EPHA6: variants seen among roughly 807,000 people sequenced by gnomAD.
The protein encoded by EPHA6 is ephrin type-A receptor 6.
EPHA6 carries 50 observed loss-of-function variants against 112.0 expected under a neutral mutation model. That is an observed-to-expected ratio of 0.45 (90% CI 0.36 to 0.56). EPHA6 has a LOEUF of 0.56. Ranked by LOEUF, EPHA6 falls within the 20% of genes least tolerant of loss-of-function variation. The probability of loss-of-function intolerance (pLI) is 0.00; values close to 1 mark genes in which losing one functional copy is unlikely to be tolerated. For synonymous variants in EPHA6, 529 were observed against 490.7 expected (o/e 1.08, Z -1.03); for missense variants, 1,280 against 1,417.4 (o/e 0.90, Z 1.56).
chr3:97,210,321 G>GA, intron 3 of EPHA6, among the ~76,000 whole-genome samples: 1 of 152,086 alleles, frequency 6.6e-6, no homozygotes. Flanking sequence ...AAGGTGGCAG[G>GA]AAAAATGAGA....
intron 11 of EPHA6, among the ~76,000 whole-genome samples, chr3:97,579,038 C>T (rs1186901376): frequency 6.6e-6 from 1 of 152,126 alleles, no homozygotes; most frequent in East Asian, 1.9e-4. Context: ...TTCCACTATC[C>T]AGTATTTATG....
intron 11 of EPHA6, among the ~76,000 whole-genome samples, chr3:97,537,566 A>G (rs1217701887): frequency 2.6e-5 from 4 of 151,762 alleles, no homozygotes; most frequent in African/African-American, 7.3e-5. Context: ...TTTAGTGTCC[A>G]TTTTTCTAGT....
chr3:96,906,909 G>A (rs999701741), intron 2 of EPHA6, among the ~76,000 whole-genome samples: 2 of 151,904 alleles, frequency 1.3e-5, no homozygotes, highest in Admixed American at 1.3e-4. Flanking sequence ...GTTTAGGTTT[G>A]TAAAACACTA....
intron 3 of EPHA6, among the ~76,000 whole-genome samples, chr3:97,004,414 A>T (rs780098839): frequency 5.3e-5 from 8 of 152,046 alleles, no homozygotes; most frequent in Admixed American, 5.2e-4. Context: ...GCTTTTTTTC[A>T]TATTTTTATT....
At chr3:97,137,838 G>C (rs2075802061) in intron 3 of EPHA6, among the ~76,000 whole-genome samples, 1 of 151,836 alleles carries the variant, frequency 6.6e-6, no homozygotes, top group South Asian at 2.1e-4. Flanking sequence ...AGTACTTAAA[G>C]TATAATAAAA....
rs118045689 is a variant in EPHA6, at chr3:97,547,049, C to A, written c.2386+14506C>A. On this transcript the variant is annotated intron_variant, in intron 11 of 17. Coordinates refer to ENST00000389672, the MANE Select transcript of EPHA6 (RefSeq NM_001080448.3). ...CTCGGAGTACTTTTATCGTCTGAAG[C>A]CTTCTTCTGTCAGCTCATCAAAGTC... Among the ~76,000 whole-genome samples the A allele has an allele frequency of 3.2e-3, 481 of 152,228 alleles. 15 individuals are homozygous for A. The East Asian group carries it at 0.082, about 26-fold the overall frequency.
chr3:97,305,061 G>A (rs1264955527), intron 5 of EPHA6, among the ~76,000 whole-genome samples: 1 of 151,958 alleles, frequency 6.6e-6, no homozygotes, highest in Non-Finnish European at 1.5e-5. Flanking sequence ...CCCATTAAAA[G>A]TGGGCAAAAG....
chr3:97,315,544 C>G (rs953491223), intron 5 of EPHA6, among the ~76,000 whole-genome samples: 3 of 151,476 alleles, frequency 2.0e-5, no homozygotes, highest in Non-Finnish European at 3.0e-5. Flanking sequence ...GAAGTAGAAT[C>G]AAATAATTTG....
intron 2 of EPHA6, among the ~76,000 whole-genome samples, chr3:96,893,562 G>A (rs2038100412): frequency 6.6e-6 from 1 of 152,166 alleles, no homozygotes; most frequent in Non-Finnish European, 1.5e-5. Context: ...CACCAGTCAG[G>A]CGTGTCCCAT....
chr3:97,200,046 G>A (rs1001881301), intron 3 of EPHA6, among the ~76,000 whole-genome samples: 2 of 152,050 alleles, frequency 1.3e-5, no homozygotes, highest in Non-Finnish European at 2.9e-5. Flanking sequence ...AAAGGCTCTG[G>A]AGAGTGCAGA....
chr3:97,361,424 A>C (rs1268128718), intron 5 of EPHA6, among the ~76,000 whole-genome samples: 1 of 152,242 alleles, frequency 6.6e-6, no homozygotes, highest in Non-Finnish European at 1.5e-5. Context: ...ACAGAAATTT[A>C]ATATGAATCA....
chr3:97,748,981 C>A lies in EPHA6; in HGVS notation c.*280C>A. 1 of 390,986 alleles carries A rather than the reference C, an allele frequency of 2.6e-6. No individual in the cohort carries two copies. The highest frequency in any genetic ancestry group is 4.2e-5 in the South Asian group (1 of 23,958). 24.2% of individuals were successfully genotyped at this position (390,986 alleles called of 1,614,324 possible). ...CATGGATGTGTAATTTTGTATAAGC[C>A]GTATATGGGAAGTGTTCACGGACTT... On this transcript the variant is annotated 3_prime_UTR_variant, in exon 18 of 18. Transcript: ENST00000389672.
intron 6 of EPHA6, among the ~76,000 whole-genome samples, chr3:97,432,386 G>C (rs1486864335): frequency 6.6e-6 from 1 of 152,064 alleles, no homozygotes; most frequent in Non-Finnish European, 1.5e-5. Context: ...GGATGTCCCA[G>C]CTTAGAAATC....
intron 11 of EPHA6, among the ~76,000 whole-genome samples, chr3:97,534,546 TAAC>T (rs1560108686): frequency 2.8e-5 from 4 of 145,282 alleles, no homozygotes; most frequent in African/African-American, 5.1e-5. Flanking sequence ...ATTAAATAAA[TAAC>T]AATCTGAATT....
intron 3 of EPHA6, among the ~76,000 whole-genome samples, chr3:97,095,973 G>A (rs1311223472): frequency 1.3e-5 from 2 of 151,876 alleles, no homozygotes; most frequent in African/African-American, 4.8e-5. Flanking sequence ...GAACATGAAT[G>A]TGATGGCTCA....
intron 8 of EPHA6, among the ~76,000 whole-genome samples, chr3:97,476,104 C>T (rs374221326): frequency 2.6e-5 from 4 of 151,968 alleles, no homozygotes; most frequent in Non-Finnish European, 4.4e-5. Context: ...ATACCATAAT[C>T]CAGGTGCTGA....
intron 5 of EPHA6, among the ~76,000 whole-genome samples, chr3:97,364,465 A>G (rs2084594249): frequency 6.6e-6 from 1 of 152,002 alleles, no homozygotes; most frequent in African/African-American, 2.4e-5. Flanking sequence ...AAGGCAGACA[A>G]GTATTCTTTA....
At chr3:97,191,332 ACT>A (rs775155251) in intron 3 of EPHA6, among the ~76,000 whole-genome samples, 3 of 151,638 alleles carry the variant, frequency 2.0e-5, no homozygotes, top group Non-Finnish European at 4.4e-5. Flanking sequence ...TTCCAATTAT[ACT>A]CTTTTAGTTA....
chr3:97,350,639 T>C (rs1485746020), intron 5 of EPHA6, among the ~76,000 whole-genome samples: 1 of 152,158 alleles, frequency 6.6e-6, no homozygotes, highest in Non-Finnish European at 1.5e-5. Context: ...CTTTTTTATA[T>C]ATAACAGCCT....
Sources: gnomAD v4.1 joint callset for allele counts (sites outside exome capture counted in the v4.1 genomes callset) on GRCh38, gnomAD v4.1.1 for gene constraint, MANE v1.5 for transcripts, NCBI Gene and HGNC (gene_info 2026-07-23, HGNC 2026-07-21) for gene names.